ANKRD44: variants seen among roughly 807,000 people sequenced by gnomAD.
ANKRD44 encodes ankyrin repeat domain 44.
Under a neutral mutation model 116.0 loss-of-function variants are expected in ANKRD44, and 35 were observed. The observed-to-expected ratio is 0.30, with a 90% CI of 0.23 to 0.40. The LOEUF is 0.40. ANKRD44 is among the 10% of genes least tolerant of loss of function. The probability of loss-of-function intolerance (pLI) is 1.00; values close to 1 mark genes in which losing one functional copy is unlikely to be tolerated. For missense variants in ANKRD44, 1,014 were observed against 1,242.6 expected (o/e 0.82, Z 2.77); for synonymous variants, 435 against 461.8 (o/e 0.94, Z 0.74).
intron 1 of ANKRD44, among the ~76,000 whole-genome samples, chr2:197,226,404 G>A (rs1187370748): frequency 2.6e-5 from 4 of 152,168 alleles, no homozygotes; most frequent in Admixed American, 6.5e-5. Context: ...GGTGGCTCAC[G>A]CCTGTAATCC....
At chr2:197,027,378 T>C (rs950438265) in intron 16 of ANKRD44, among the ~76,000 whole-genome samples, 9 of 151,976 alleles carry the variant, frequency 5.9e-5, no homozygotes, top group Non-Finnish European at 1.2e-4. Flanking sequence ...AAAAGACATA[T>C]TATCCAGGAA....
At chr2:197,172,431 G>C (rs2080262671) in intron 2 of ANKRD44, among the ~76,000 whole-genome samples, 1 of 152,114 alleles carries the variant, frequency 6.6e-6, no homozygotes, top group Non-Finnish European at 1.5e-5. Context: ...GGAGTCTAGT[G>C]CTGTAAGAGC....
At position 197,121,425 on chromosome 2, in the gene ANKRD44, A is replaced by G. The variant is rs200689559; in HGVS notation, c.813T>C (p.Asn271=). 5.6e-5 allele frequency: 91 copies of G among 1,614,214 alleles called. 1 individual carries two copies. The South Asian group carries it at 9.6e-4, about 17-fold the overall frequency. ...YGANVNQPNN[N]GFTPLHFAAA... Reference sequence around the variant, plus strand: ...CAGCAAAATGCAAAGGGGTGAACCCATTATTGTTTGGCTGGTTCACGTTAG... The same window carrying G: ...CAGCAAAATGCAAAGGGGTGAACCCGTTATTGTTTGGCTGGTTCACGTTAG... Residue 271 remains asparagine (N), a synonymous_variant, in exon 8 of 28, where the codon AAT becomes AAC. Coordinates refer to ENST00000282272, the MANE Select transcript of ANKRD44 (RefSeq NM_001195144.2).
chr2:197,047,649 C>T (rs1392876218), intron 16 of ANKRD44, among the ~76,000 whole-genome samples: 3 of 152,000 alleles, frequency 2.0e-5, no homozygotes, highest in Non-Finnish European at 2.9e-5. Context: ...CGGTGGCTCA[C>T]GCCTGTAATC....
chr2:197,185,186 C>T (rs2080623822), intron 2 of ANKRD44, among the ~76,000 whole-genome samples: 1 of 152,212 alleles, frequency 6.6e-6, no homozygotes, highest in Non-Finnish European at 1.5e-5. Flanking sequence ...AACCCGCAGG[C>T]CCTGGACAAA....
intron 11 of ANKRD44, among the ~76,000 whole-genome samples, chr2:197,089,428 C>G (rs2077994333): frequency 1.3e-5 from 2 of 152,132 alleles, no homozygotes; most frequent in Non-Finnish European, 2.9e-5. Flanking sequence ...AGCTCCAAAC[C>G]AGAAACAATC....
At chr2:197,170,621 A>T (rs2080209981) in intron 2 of ANKRD44, among the ~76,000 whole-genome samples, 1 of 152,226 alleles carries the variant, frequency 6.6e-6, no homozygotes, top group Non-Finnish European at 1.5e-5. Flanking sequence ...AATGCTAAAC[A>T]CATTTTCATA....
intron 25 of ANKRD44, among the ~76,000 whole-genome samples, chr2:196,996,679 C>A (rs180977922): frequency 2.0e-5 from 3 of 151,802 alleles, no homozygotes; most frequent in African/African-American, 7.3e-5. Context: ...CCAAGGCGGG[C>A]GGATCACGAG....
intron 16 of ANKRD44, chr2:197,078,289 CCACA>C (rs10581633): frequency 0.02 from 3,160 of 156,880 alleles, 9 homozygotes; most frequent in South Asian, 0.073. Context: ...CCACTGATTA[CCACA>C]CACACACACA....
Position 197,047,454 on chromosome 2 carries a change from G to A in ANKRD44, c.1651-22187C>T, listed in dbSNP as rs941412602. Among the ~76,000 whole-genome samples the A allele has an allele frequency of 3.3e-5, 5 of 152,190 alleles. No individual in the cohort carries two copies. The East Asian group carries it at 7.7e-4, about 24-fold the overall frequency. On this transcript the variant is annotated intron_variant, in intron 16 of 27. Transcript: ENST00000282272. ...AAAATGATCACTTGAGTAATGAAAC[G>A]GTTTGTCCATTTCACTAATAACCAC...
intron 1 of ANKRD44, among the ~76,000 whole-genome samples, chr2:197,283,840 G>A (rs1420560811): frequency 6.6e-6 from 1 of 152,184 alleles, no homozygotes; most frequent in Non-Finnish European, 1.5e-5. Flanking sequence ...GGCTTGAGTA[G>A]TCTAGCGCAA....
downstream of ANKRD44, among the ~76,000 whole-genome samples, chr2:196,982,415 AAACTT>A: frequency 1.3e-5 from 2 of 152,214 alleles, no homozygotes; most frequent in Non-Finnish European, 1.5e-5. Context: ...TCCTTGGAGT[AAACTT>A]GCGAGACAGT....
intron 3 of ANKRD44, among the ~76,000 whole-genome samples, chr2:197,146,383 A>G (rs547631059): frequency 2.0e-5 from 3 of 152,324 alleles, no homozygotes; most frequent in Middle Eastern, 3.4e-3. Flanking sequence ...ACAGTCATGT[A>G]TCCATAAGTA....
intron 1 of ANKRD44, among the ~76,000 whole-genome samples, chr2:197,256,794 G>C (rs565842394): frequency 1.3e-5 from 2 of 152,226 alleles, no homozygotes; most frequent in Non-Finnish European, 2.9e-5. Flanking sequence ...TAAGCTAATC[G>C]CTCCTGTGCA....
intron 16 of ANKRD44, among the ~76,000 whole-genome samples, chr2:197,065,528 G>A (rs886966903): frequency 6.6e-6 from 1 of 152,110 alleles, no homozygotes; most frequent in Non-Finnish European, 1.5e-5. Flanking sequence ...TTTTTGAAAA[G>A]ATAACACAAT....
intron 1 of ANKRD44, among the ~76,000 whole-genome samples, chr2:197,223,773 T>C (rs925756459): frequency 6.6e-6 from 1 of 152,238 alleles, no homozygotes; most frequent in Non-Finnish European, 1.5e-5. Flanking sequence ...TGAGGGATCC[T>C]GTTTAACTAT....
At position 196,986,912 on chromosome 2, in the gene ANKRD44, CA is replaced by C. The variant is rs968978151; in HGVS notation, c.*2678del. 1.0e-6 allele frequency: 1 copy of C among 985,220 alleles called. No homozygotes were observed. Among genetic ancestry groups the C allele is most frequent in the African/African-American group, 1.7e-5 (1 of 57,232 alleles). 61.0% of individuals were successfully genotyped at this position (985,220 alleles called of 1,614,324 possible). ...AATTTACATAAGAAAACATTATAGA[CA>C]AAATCCCACTGAAATCATCAAACAA... On this transcript the variant is annotated 3_prime_UTR_variant, in exon 28 of 28. Coordinates refer to ENST00000282272, the MANE Select transcript of ANKRD44 (RefSeq NM_001195144.2).
In ANKRD44 at chr2:197,089,811, G is replaced by C. The variant is rs2078002599; in HGVS notation, c.1183+139C>G. ...TGTTGGGAGCTGTCACATGCAGTTA[G>C]CTGAGAAATACAACTCATCCTGACG... On this transcript the variant is annotated intron_variant, in intron 11 of 27. Coordinates refer to ENST00000282272, the MANE Select transcript of ANKRD44 (RefSeq NM_001195144.2). The C allele has an allele frequency of 4.7e-6, 3 of 636,296 alleles. No individual in the cohort carries two copies. In the East Asian group the frequency reaches 8.8e-5, roughly 19 times the overall value. The allele number at this position is 636,296 out of a possible 1,614,324, so 39.4% of individuals were successfully genotyped here. A position where few individuals can be genotyped will look rare whatever the true frequency, so the allele number is the denominator to read the frequency against.
chr2:197,228,432 C>T (rs2081771604), intron 1 of ANKRD44, among the ~76,000 whole-genome samples: 1 of 152,214 alleles, frequency 6.6e-6, no homozygotes, highest in Admixed American at 6.5e-5. Context: ...CATTTTCAAA[C>T]TCTTCGCTTT....
Sources: allele counts gnomAD v4.1 joint callset (sites outside exome capture counted in the v4.1 genomes callset), GRCh38; gene constraint gnomAD v4.1.1; transcripts MANE v1.5; gene names NCBI Gene and HGNC (gene_info 2026-07-23, HGNC 2026-07-21).